The following GRIN2A variants were observed in gnomAD, a reference collection of about 807,000 sequenced individuals.
The protein encoded by GRIN2A is glutamate receptor ionotropic, NMDA 2A.
A neutral mutation model predicts 113.4 loss-of-function variants in GRIN2A; 22 were observed. That is an observed-to-expected ratio of 0.19 (90% CI 0.14 to 0.28). GRIN2A has a LOEUF of 0.28. Among genes scored for constraint, GRIN2A ranks in the 10% least tolerant of loss-of-function variants. The probability of loss-of-function intolerance (pLI) is 1.00; values close to 1 mark genes in which losing one functional copy is unlikely to be tolerated. For synonymous variants in GRIN2A, 827 were observed against 738.4 expected (o/e 1.12, Z -1.94); for missense variants, 1,502 against 1,887.0 (o/e 0.80, Z 3.78).
Position 9,822,427 on chromosome 16 carries a change from GGA to G in GRIN2A, c.2008-5_2008-4del. 6.3e-7 allele frequency: 1 copy of G among 1,598,784 alleles called. No individual in the cohort carries two copies. Among genetic ancestry groups the G allele is most frequent in the Non-Finnish European group, 8.6e-7 (1 of 1,166,196 alleles). ...GAATAGTCATGAGGTCTCTGAAACT[GGA>G]GAGAGAACGAGAAAGGAAGAGAGAG... On this transcript the variant is annotated splice_polypyrimidine_tract_variant and splice_region_variant and intron_variant, in intron 9 of 12. Transcript: ENST00000330684.
intron 2 of GRIN2A, among the ~76,000 whole-genome samples, chr16:9,949,562 G>A (rs1255732267): frequency 6.6e-6 from 1 of 152,058 alleles, no homozygotes; most frequent in Non-Finnish European, 1.5e-5. Context: ...ATGAATGAAT[G>A]AATGAATGGA....
intron 4 of GRIN2A, among the ~76,000 whole-genome samples, chr16:9,851,283 T>G (rs974832131): frequency 1.3e-5 from 2 of 152,208 alleles, no homozygotes; most frequent in African/African-American, 4.8e-5. Context: ...TGCTGATACA[T>G]TTCTTTTTAA....
chr16:10,127,932 G>A (rs1050578591), intron 2 of GRIN2A, among the ~76,000 whole-genome samples: 1 of 152,174 alleles, frequency 6.6e-6, no homozygotes. Flanking sequence ...TCACACCAGA[G>A]AGTCTAACAG....
At chr16:9,856,713 T>A (rs2141386093) in intron 4 of GRIN2A, among the ~76,000 whole-genome samples, 1 of 151,846 alleles carries the variant, frequency 6.6e-6, no homozygotes, top group East Asian at 1.9e-4. Flanking sequence ...ATTTCTGTAA[T>A]CCTAAAAATA....
intron 2 of GRIN2A, among the ~76,000 whole-genome samples, chr16:10,168,969 TAATAAC>T (rs1312675534): frequency 2.8e-4 from 26 of 93,000 alleles, no homozygotes; most frequent in African/African-American, 1.1e-3. Context: ...CTGTCTCAAA[TAATAAC>T]AATAATAATA....
rs1197536264 is a variant in GRIN2A at position 9,762,115 on chromosome 16, C to T, written c.*1034G>A. 1.4e-5 allele frequency: 3 copies of T among 209,754 alleles called. No homozygotes were observed. Among genetic ancestry groups the T allele is most frequent in the Non-Finnish European group, 2.9e-5 (3 of 102,824 alleles). 13.0% of individuals were successfully genotyped at this position (209,754 alleles called of 1,614,324 possible). ...CACAGTACACATACGGCTGTTGGTG[C>T]ATGTCACCACATTAACAACTCTGGG... On this transcript the variant is annotated 3_prime_UTR_variant, in exon 13 of 13. Transcript: ENST00000330684.
At chr16:9,997,370 G>GA (rs998319167) in intron 2 of GRIN2A, among the ~76,000 whole-genome samples, 3 of 152,116 alleles carry the variant, frequency 2.0e-5, no homozygotes, top group African/African-American at 4.8e-5. Context: ...TATCCCGGGG[G>GA]ATCTCTTCCT....
intron 4 of GRIN2A, among the ~76,000 whole-genome samples, chr16:9,864,458 AGTG>A (rs2043127477): frequency 6.6e-6 from 1 of 152,106 alleles, no homozygotes; most frequent in South Asian, 2.1e-4. Flanking sequence ...AACCTTGAAA[AGTG>A]GTAAAATGTG....
chr16:10,177,346 A>G (rs1452578907), intron 2 of GRIN2A, among the ~76,000 whole-genome samples: 1 of 152,090 alleles, frequency 6.6e-6, no homozygotes, highest in Admixed American at 6.6e-5. Flanking sequence ...GACCAGACAT[A>G]TACCCCGATG....
At chr16:9,998,778 C>T (rs371004164) in intron 2 of GRIN2A, among the ~76,000 whole-genome samples, 2 of 151,930 alleles carry the variant, frequency 1.3e-5, no homozygotes, top group African/African-American at 4.8e-5. Context: ...CCCTTGCCTT[C>T]CTCTCCAACT....
rs558991101 is a variant in GRIN2A, at chr16:9,843,150, A to G, written c.1329-2046T>C. On this transcript the variant is annotated intron_variant, in intron 5 of 12. Coordinates refer to ENST00000330684, the MANE Select transcript of GRIN2A (RefSeq NM_001134407.3). ...AAGAAAGGAAAGAAAGAAAGAAGCAAGCTATTTTGGAACGGTGAAAAACAT... is the reference window on the plus strand; with the variant it reads ...AAGAAAGGAAAGAAAGAAAGAAGCAGGCTATTTTGGAACGGTGAAAAACAT... Among the ~76,000 whole-genome samples the G allele has an allele frequency of 2.0e-5, 3 of 152,158 alleles. No individual in the cohort carries two copies. The South Asian group carries it at 6.2e-4, about 32-fold the overall frequency.
At chr16:9,828,284 C>A (rs1362239133) in intron 9 of GRIN2A, among the ~76,000 whole-genome samples, 1 of 152,154 alleles carries the variant, frequency 6.6e-6, no homozygotes, top group African/African-American at 2.4e-5. Context: ...TTACTCAAGC[C>A]TCAATCGGAA....
chr16:9,856,815 C>G (rs1216544023), intron 4 of GRIN2A, among the ~76,000 whole-genome samples: 1 of 151,238 alleles, frequency 6.6e-6, no homozygotes, highest in Non-Finnish European at 1.5e-5. Context: ...ATTCATATGG[C>G]AGAACCAGGA....
intron 2 of GRIN2A, among the ~76,000 whole-genome samples, chr16:9,960,410 A>T (rs996512029): frequency 1.5e-4 from 23 of 152,220 alleles, no homozygotes; most frequent in Non-Finnish European, 2.9e-4. Context: ...GGGTTGTAGC[A>T]TATGGATGCC....
intron 10 of GRIN2A, among the ~76,000 whole-genome samples, chr16:9,812,065 G>C (rs2042096488): frequency 2.0e-5 from 3 of 152,094 alleles, no homozygotes; most frequent in South Asian, 4.1e-4. Flanking sequence ...GCATAATGGT[G>C]GGCCATTAGA....
At position 10,033,357 on chromosome 16, in the gene GRIN2A, C is replaced by G. The variant is rs1412040621; in HGVS notation, c.415-94806G>C. On this transcript the variant is annotated intron_variant, in intron 2 of 12. Transcript: ENST00000330684. ...GATACCAAGGTAAACCCAGGAAACA[C>G]AGGTGCCGCTATCAGAAACCCAGAG... Among the ~76,000 whole-genome samples, 3 of 152,284 alleles carry G rather than the reference C, an allele frequency of 2.0e-5. No individual in the cohort carries two copies. The East Asian group carries it at 5.8e-4, about 29-fold the overall frequency.
intron 2 of GRIN2A, among the ~76,000 whole-genome samples, chr16:10,074,291 T>C (rs1279629800): frequency 2.0e-5 from 3 of 152,200 alleles, no homozygotes; most frequent in Non-Finnish European, 4.4e-5. Context: ...TGTAAAATGG[T>C]ACAGCTGCTA....
At chr16:9,881,669 G>A (rs751280184) in intron 4 of GRIN2A, among the ~76,000 whole-genome samples, 34 of 152,116 alleles carry the variant, frequency 2.2e-4, no homozygotes, top group South Asian at 1.9e-3. Context: ...AATCCTTATT[G>A]AGCCTCTGCT....
At chr16:10,111,692 T>G in intron 2 of GRIN2A, 1 of 1,567,550 alleles carries the variant, frequency 6.4e-7, no homozygotes, top group Non-Finnish European at 8.8e-7. Flanking sequence ...GCCAACGAGG[T>G]GCATAAGGTC....
Sources: allele counts gnomAD v4.1 joint callset (sites outside exome capture counted in the v4.1 genomes callset), GRCh38; gene constraint gnomAD v4.1.1; transcripts MANE v1.5; gene names NCBI Gene and HGNC (gene_info 2026-07-23, HGNC 2026-07-21).